The following ABCC12 variants were observed in gnomAD, a reference collection of about 807,000 sequenced individuals.
ABCC12 encodes ATP-binding cassette sub-family C member 12.
ABCC12 carries 142 observed loss-of-function variants against 151.1 expected under a neutral mutation model. The observed-to-expected ratio is 0.94, with a 90% CI of 0.82 to 1.08. The LOEUF is 1.08. Among genes scored for constraint, ABCC12 ranks in the 50% least tolerant of loss-of-function variants. ABCC12 has a pLI of 0.00. For missense variants in ABCC12, 1,638 were observed against 1,691.1 expected (o/e 0.97, Z 0.55); for synonymous variants, 645 against 646.4 (o/e 1.00, Z 0.03).
At chr16:48,131,719 C>G (rs1964432485) in intron 9 of ABCC12, among the ~76,000 whole-genome samples, 1 of 152,194 alleles carries the variant, frequency 6.6e-6, no homozygotes, top group South Asian at 2.1e-4. Flanking sequence ...ATTAATAATA[C>G]AACTTTCTTC....
chr16:48,085,716 A>C lies in ABCC12; in HGVS notation c.3715-10T>G. ...CTGGGAGTTTCATTATCTACAAAACACAAAAAATGCCACATTTGTGCTGAT... is the reference window on the plus strand; with the variant it reads ...CTGGGAGTTTCATTATCTACAAAACCCAAAAAATGCCACATTTGTGCTGAT... On this transcript the variant is annotated splice_polypyrimidine_tract_variant and intron_variant, in intron 28 of 30. Transcript: ENST00000311303. 1 of 1,602,086 alleles carries C rather than the reference A, an allele frequency of 6.2e-7. No individual in the cohort carries two copies. Among genetic ancestry groups the C allele is most frequent in the Non-Finnish European group, 8.6e-7 (1 of 1,169,138 alleles).
intron 14 of ABCC12, among the ~76,000 whole-genome samples, chr16:48,116,661 T>C (rs960804350): frequency 2.0e-5 from 3 of 152,150 alleles, no homozygotes; most frequent in Admixed American, 6.5e-5. Context: ...AGGGCACCAG[T>C]AGAGAAAGAC....
intron 2 of ABCC12, among the ~76,000 whole-genome samples, chr16:48,148,555 T>C (rs566965837): frequency 1.3e-5 from 2 of 152,152 alleles, no homozygotes; most frequent in Non-Finnish European, 2.9e-5. Flanking sequence ...TGAATATTAA[T>C]GACATAAATA....
At chr16:48,124,746 T>G (rs1954952730) in intron 11 of ABCC12, among the ~76,000 whole-genome samples, 2 of 152,216 alleles carry the variant, frequency 1.3e-5, no homozygotes, top group South Asian at 4.1e-4. Flanking sequence ...AGTTACACTA[T>G]TCTAACATTC....
At chr16:48,140,541 C>G in intron 6 of ABCC12, 146 bp downstream of exon 6, 1 of 776,892 alleles carries the variant, frequency 1.3e-6, no homozygotes, top group Non-Finnish European at 2.1e-6. Flanking sequence ...TCTCCACCAC[C>G]TCACTTAGCC....
chr16:48,086,503 T>C (rs1233688661), intron 28 of ABCC12: 2 of 461,744 alleles, frequency 4.3e-6, no homozygotes, highest in African/African-American at 3.9e-5. Flanking sequence ...CAGAGCATTG[T>C]AGTAAGGACC....
chr16:48,097,591 TG>T (rs1963147540), intron 23 of ABCC12, among the ~76,000 whole-genome samples: 1 of 152,088 alleles, frequency 6.6e-6, no homozygotes, highest in African/African-American at 2.4e-5. Flanking sequence ...AGCCAGGGGA[TG>T]GGGGCAAGAC....
At chr16:48,111,205 G>A (rs1963673981) in intron 18 of ABCC12, among the ~76,000 whole-genome samples, 1 of 152,148 alleles carries the variant, frequency 6.6e-6, no homozygotes, top group Non-Finnish European at 1.5e-5. Flanking sequence ...TATAGATTAG[G>A]AGGCTAAGGT....
chr16:48,123,917 A>C (rs1480312074), intron 12 of ABCC12, among the ~76,000 whole-genome samples: 3 of 152,264 alleles, frequency 2.0e-5, no homozygotes, highest in African/African-American at 7.2e-5. Flanking sequence ...CATGGGGATA[A>C]CCATGGGTTT....
chr16:48,086,555 A>T, intron 28 of ABCC12, 186 bp downstream of exon 28: 1 of 585,150 alleles, frequency 1.7e-6, no homozygotes, highest in Non-Finnish European at 3.1e-6. Context: ...GGATCATTGT[A>T]GAGCCCTATT....
At chr16:48,145,493 T>C (rs1964966634) in intron 3 of ABCC12, among the ~76,000 whole-genome samples, 1 of 152,234 alleles carries the variant, frequency 6.6e-6, no homozygotes, top group Non-Finnish European at 1.5e-5. Context: ...GAATGTGACC[T>C]GGCAGCTCAT....
intron 14 of ABCC12, 119 bp downstream of exon 14, chr16:48,117,142 G>T (rs1963909256): frequency 1.1e-6 from 1 of 906,902 alleles, no homozygotes; most frequent in Non-Finnish European, 1.6e-6. Flanking sequence ...CCTGAGCTTT[G>T]CCCACACGTC....
rs1166499474 is a variant in ABCC12, at chr16:48,111,435, C to T, written c.2281+1G>A. On this transcript the variant is annotated splice_donor_variant, in intron 18 of 30. Coordinates refer to ENST00000311303, the MANE Select transcript of ABCC12 (RefSeq NM_001393797.1). LOFTEE classifies it high-confidence loss of function. ...TGACTGAGGGGATGTGTGGTAAATA[C>T]CTTTTGTGTCTACAAATTCTGAGCC... 1.2e-6 allele frequency: 2 copies of T among 1,613,952 alleles called. No individual in the cohort carries two copies. The highest frequency in any genetic ancestry group is 1.7e-6 in the Non-Finnish European group (2 of 1,179,832).
At position 48,130,879 on chromosome 16, in the gene ABCC12, G is replaced by T. The variant is rs1400623957; in HGVS notation, c.1145C>A (p.Ala382Asp). The T allele has an allele frequency of 6.2e-7, 1 of 1,611,758 alleles. No homozygotes were observed. Among genetic ancestry groups the T allele is most frequent in the Non-Finnish European group, 8.5e-7 (1 of 1,178,306 alleles). The change falls in exon 10 of 31, where the codon GCC (alanine) becomes GAC (aspartate). Residue 382 changes from alanine to aspartate, a missense_variant. Coordinates refer to ENST00000311303, the MANE Select transcript of ABCC12 (RefSeq NM_001393797.1). ...GGAAAACTTCATTACATTAAACATG[G>T]CAATCACACTAAATGCCTGAAGAAC... is the stretch of plus-strand genomic sequence containing the variant. Reference protein sequence around the residue: ...LTAPVAFSVIAMFNVMKFSIA... With the variant: ...LTAPVAFSVIDMFNVMKFSIA...
At chr16:48,104,683 C>T (rs1428071605) in intron 21 of ABCC12, among the ~76,000 whole-genome samples, 4 of 152,192 alleles carry the variant, frequency 2.6e-5, no homozygotes, top group Non-Finnish European at 5.9e-5. Flanking sequence ...ATTTTGTGCC[C>T]CATGGCAATA....
chr16:48,122,199 C>T (rs1964094770), intron 12 of ABCC12, among the ~76,000 whole-genome samples: 1 of 152,230 alleles, frequency 6.6e-6, no homozygotes, highest in Non-Finnish European at 1.5e-5. Flanking sequence ...CCTCCAGGTG[C>T]ACTGGCTGGA....
At chr16:48,152,373 G>A (rs1046623777) in intron 2 of ABCC12, among the ~76,000 whole-genome samples, 2 of 152,130 alleles carry the variant, frequency 1.3e-5, no homozygotes, top group Admixed American at 6.5e-5. Flanking sequence ...ACCCAAGTAC[G>A]GCCTTTGGGC....
intron 22 of ABCC12, among the ~76,000 whole-genome samples, 171 bp from the exon 23 acceptor site, chr16:48,101,180 G>T (rs1432942324): frequency 6.6e-6 from 1 of 152,216 alleles, no homozygotes; most frequent in African/African-American, 2.4e-5. Context: ...CCTGCCCCAG[G>T]TGTGGGAATG....
intron 2 of ABCC12, among the ~76,000 whole-genome samples, chr16:48,149,084 A>T (rs1023317468): frequency 6.6e-6 from 1 of 152,134 alleles, no homozygotes; most frequent in Non-Finnish European, 1.5e-5. Flanking sequence ...ACACAGTAAA[A>T]TATAAATTAT....
Sources: allele counts gnomAD v4.1 joint callset (sites outside exome capture counted in the v4.1 genomes callset), GRCh38; gene constraint gnomAD v4.1.1; transcripts MANE v1.5; gene names NCBI Gene and HGNC (gene_info 2026-07-23, HGNC 2026-07-21).